UBAC2: variants seen among roughly 807,000 people sequenced by gnomAD.
UBAC2 encodes ubiquitin-associated domain-containing protein 2.
UBAC2 carries 26 observed loss-of-function variants against 44.0 expected under a neutral mutation model. That is an observed-to-expected ratio of 0.59 (90% CI 0.43 to 0.82). The LOEUF (loss-of-function observed/expected upper bound fraction) is 0.82. Ranked by LOEUF, UBAC2 falls within the 40% of genes least tolerant of loss-of-function variation. The pLI is 0.00. For missense variants in UBAC2, 329 were observed against 419.4 expected (o/e 0.78, Z 1.88); for synonymous variants, 155 against 154.3 (o/e 1.00, Z -0.04).
At chr13:99,350,526 C>T (rs563331718) in intron 7 of UBAC2, among the ~76,000 whole-genome samples, 26 of 152,352 alleles carry the variant, frequency 1.7e-4, no homozygotes, top group African/African-American at 5.3e-4. Flanking sequence ...TAGAGAACTT[C>T]CAGATTGCTG....
At chr13:99,358,457 G>T (rs943837347) in intron 7 of UBAC2, among the ~76,000 whole-genome samples, 3 of 152,194 alleles carry the variant, frequency 2.0e-5, no homozygotes, top group African/African-American at 4.8e-5. Context: ...TGCAAAAATG[G>T]AAAACAGTGC....
chr13:99,340,416 C>T lies in UBAC2; in HGVS notation c.658C>T (p.Pro220Ser). The T allele has an allele frequency of 6.2e-7, 1 of 1,614,184 alleles. No individual in the cohort carries two copies. The highest frequency in any genetic ancestry group is 1.1e-5 in the South Asian group (1 of 91,086). ...MAKFFSWTLE[P>S]IFSSSEPTSE... The stretch of plus-strand genomic sequence containing the variant: ...AAAATTCTTTTCTTGGACACTTGAA[C>T]CCATCTTCTCTTCTTCAGAACCCAC... The change falls in exon 7 of 9, where the codon CCC (proline) becomes TCC (serine). Residue 220 changes from proline (P) to serine (S), a missense_variant. Coordinates refer to ENST00000403766, the MANE Select transcript of UBAC2 (RefSeq NM_001144072.2).
At chr13:99,240,993 C>T (rs909213631) in intron 2 of UBAC2, among the ~76,000 whole-genome samples, 5 of 152,060 alleles carry the variant, frequency 3.3e-5, no homozygotes, top group African/African-American at 1.2e-4. Context: ...GGTGTGGTGG[C>T]TCACACCTGT....
chr13:99,255,150 C>CA (rs2043523505), intron 4 of UBAC2: 1 of 1,614,116 alleles, frequency 6.2e-7, no homozygotes, highest in African/African-American at 1.3e-5. Flanking sequence ...AGCAGACGAG[C>CA]ACCTGCACCA....
intron 1 of UBAC2, among the ~76,000 whole-genome samples, chr13:99,222,023 T>C (rs1215763499): frequency 3.3e-5 from 5 of 152,108 alleles, no homozygotes; most frequent in Non-Finnish European, 5.9e-5. Context: ...CCTCATAGGG[T>C]TATTTTGAGG....
intron 2 of UBAC2, among the ~76,000 whole-genome samples, 187 bp downstream of exon 2, chr13:99,238,741 C>G (rs775767555): frequency 1.2e-4 from 18 of 152,094 alleles, no homozygotes; most frequent in Non-Finnish European, 2.2e-4. Flanking sequence ...AATAATGAAG[C>G]AATGGCAGTA....
intron 7 of UBAC2, among the ~76,000 whole-genome samples, chr13:99,341,768 C>T (rs905966220): frequency 5.3e-5 from 8 of 151,826 alleles, no homozygotes; most frequent in Non-Finnish European, 1.2e-4. Flanking sequence ...GAGAGAAGAG[C>T]GAAAGGTATG....
chr13:99,204,835 T>C (rs1415202468), intron 1 of UBAC2, among the ~76,000 whole-genome samples: 2 of 151,338 alleles, frequency 1.3e-5, no homozygotes, highest in Admixed American at 1.3e-4. Flanking sequence ...AAGATCTCGG[T>C]TCTGAGAATC....
At chr13:99,345,847 A>G (rs1318548415) in intron 7 of UBAC2, among the ~76,000 whole-genome samples, 2 of 150,754 alleles carry the variant, frequency 1.3e-5, no homozygotes, top group African/African-American at 4.9e-5. Context: ...GCTTCAAGCA[A>G]TTCTCCTGCC....
At chr13:99,370,326 T>A (rs2045388244) in intron 8 of UBAC2, among the ~76,000 whole-genome samples, 2 of 152,192 alleles carry the variant, frequency 1.3e-5, no homozygotes, top group Admixed American at 1.3e-4. Flanking sequence ...TATGGCCAAA[T>A]AACAATTGGT....
chr13:99,296,103 T>C (rs777510204), intron 4 of UBAC2: 14 of 1,611,390 alleles, frequency 8.7e-6, no homozygotes, highest in Non-Finnish European at 1.7e-6. Context: ...CCCTGAGGAG[T>C]TGCAGAGGGC....
intron 4 of UBAC2, among the ~76,000 whole-genome samples, chr13:99,289,610 AT>A (rs1242511575): frequency 3.3e-5 from 5 of 152,124 alleles, no homozygotes. Flanking sequence ...CACTCTGTGT[AT>A]TGGTCTTTTT....
intron 4 of UBAC2, among the ~76,000 whole-genome samples, chr13:99,263,709 T>A (rs577933286): frequency 1.2e-4 from 19 of 152,336 alleles, no homozygotes; most frequent in African/African-American, 4.6e-4. Context: ...TAACATTATT[T>A]ACAACAACTC....
chr13:99,235,822 G>A (rs941724863), intron 1 of UBAC2, among the ~76,000 whole-genome samples: 1 of 152,000 alleles, frequency 6.6e-6, no homozygotes, highest in Non-Finnish European at 1.5e-5. Flanking sequence ...AAAAAAATTA[G>A]CCAGGTGTGG....
chr13:99,347,319 GCCC>G (rs3031439), intron 7 of UBAC2, among the ~76,000 whole-genome samples: 1,224 of 20,556 alleles, frequency 0.06, 147 homozygotes, highest in African/African-American at 0.13. Flanking sequence ...ATCCCCGGGC[GCCC>G]CCCCCCCCCC....
intron 4 of UBAC2, among the ~76,000 whole-genome samples, chr13:99,262,428 C>T (rs1481066292): frequency 1.3e-5 from 2 of 152,106 alleles, no homozygotes; most frequent in Non-Finnish European, 2.9e-5. Context: ...GAGGGCTGGG[C>T]ACGGTGGCTC....
Position 99,367,781 on chromosome 13 carries a change from T to C in UBAC2, c.808-6T>C. 6.2e-7 allele frequency: 1 copy of C among 1,612,628 alleles called. No individual in the cohort carries two copies. Among genetic ancestry groups the C allele is most frequent in the South Asian group, 1.1e-5 (1 of 90,950 alleles). Reference sequence around the variant, plus strand: ...GTCTGATAACTGTGTGTTGATCTCTTTTTAGGGAGGAATGATCAATTGGAA... The same window carrying C: ...GTCTGATAACTGTGTGTTGATCTCTCTTTAGGGAGGAATGATCAATTGGAA... On this transcript the variant is annotated splice_region_variant and splice_polypyrimidine_tract_variant and intron_variant, in intron 7 of 8. Transcript: ENST00000403766.
intron 8 of UBAC2, among the ~76,000 whole-genome samples, chr13:99,374,634 G>C (rs1385792895): frequency 6.6e-6 from 1 of 152,164 alleles, no homozygotes; most frequent in African/African-American, 2.4e-5. Context: ...CCTTACCACT[G>C]TCTCCAGAAA....
rs1221236669 is a variant in UBAC2, at chr13:99,296,031, T to C, written c.390-18066T>C. On this transcript the variant is annotated intron_variant, in intron 4 of 8. Coordinates refer to ENST00000403766, the MANE Select transcript of UBAC2 (RefSeq NM_001144072.2). The stretch of plus-strand genomic sequence containing the variant: ...ACGAGCCCAATGATGAAGACGAGGC[T>C]GTAATGCAGAGGCATTACTATCCTG... 4 of 1,614,044 alleles carry C rather than the reference T, an allele frequency of 2.5e-6. No individual in the cohort carries two copies. The Admixed American group carries it at 6.7e-5, about 27-fold the overall frequency.
Sources: allele counts gnomAD v4.1 joint callset (sites outside exome capture counted in the v4.1 genomes callset), GRCh38; gene constraint gnomAD v4.1.1; transcripts MANE v1.5; gene names NCBI Gene and HGNC (gene_info 2026-07-23, HGNC 2026-07-21).